Variants in SYT10 observed in about 807,000 individuals in gnomAD.
SYT10 encodes synaptotagmin-10.
In SYT10, 31 loss-of-function variants were observed where a neutral mutation model predicts 51.1. The ratio of observed to expected loss-of-function variants is 0.61; its 90% CI spans 0.46 to 0.82. SYT10 has a LOEUF of 0.82. SYT10 is among the 40% of genes least tolerant of loss of function. The pLI, the probability that SYT10 is intolerant of heterozygous loss-of-function variation, is 0.00. For synonymous variants in SYT10, 233 were observed against 225.9 expected, an observed-to-expected ratio of 1.03 and a Z score of -0.28; for missense variants, 603 against 634.0, an observed-to-expected ratio of 0.95 and a Z score of 0.53.
chr12:33,397,504 C>T (rs573089246), intron 3 of SYT10, among the ~76,000 whole-genome samples: 3 of 152,242 alleles, frequency 2.0e-5, no homozygotes, highest in African/African-American at 7.2e-5. Flanking sequence ...ATATATTTCC[C>T]AAGGTCATTC....
At chr12:33,436,371 C>A (rs1866637574) in intron 1 of SYT10, among the ~76,000 whole-genome samples, 1 of 152,058 alleles carries the variant, frequency 6.6e-6, no homozygotes, top group Non-Finnish European at 1.5e-5. Context: ...GGTAAAAAGA[C>A]TCAAAATATC....
At chr12:33,423,930 A>T (rs776107315) in intron 2 of SYT10, 2 of 455,852 alleles carry the variant, frequency 4.4e-6, no homozygotes, top group Non-Finnish European at 8.8e-6. Flanking sequence ...TTGGTGAAGG[A>T]TTATCAGGAA....
At chr12:33,431,900 A>G (rs922798283) in intron 1 of SYT10, among the ~76,000 whole-genome samples, 2 of 152,096 alleles carry the variant, frequency 1.3e-5, no homozygotes, top group African/African-American at 4.8e-5. Context: ...AGAGCACAGT[A>G]CCCTTGGCCT....
Position 33,391,133 on chromosome 12 carries a change from C to T in SYT10, c.1078-5842G>A, listed in dbSNP as rs186371529. On this transcript the variant is annotated intron_variant, in intron 3 of 6. Coordinates refer to ENST00000228567, the MANE Select transcript of SYT10 (RefSeq NM_198992.4). ...TGTATTTTTAGTAGAGACGGGGTTTCGCCATGTTGGCCAGACTGGTCTTGA... is the reference window on the plus strand; with the variant it reads ...TGTATTTTTAGTAGAGACGGGGTTTTGCCATGTTGGCCAGACTGGTCTTGA... 7.2e-5 allele frequency among the ~76,000 whole-genome samples: 11 copies of T among 152,254 alleles called. 1 individual carries two copies. Among genetic ancestry groups the T allele is most frequent in the African/African-American group, 2.6e-4 (11 of 41,568 alleles).
chr12:33,420,321 T>C (rs975977416), intron 2 of SYT10, among the ~76,000 whole-genome samples: 4 of 152,124 alleles, frequency 2.6e-5, no homozygotes. Context: ...CTGCTGGAGT[T>C]TGTATGAAAA....
chr12:33,392,681 G>A (rs1866219523), intron 3 of SYT10, among the ~76,000 whole-genome samples: 1 of 151,886 alleles, frequency 6.6e-6, no homozygotes, highest in African/African-American at 2.4e-5. Flanking sequence ...CATGAAAGAA[G>A]GAATGAATTT....
chr12:33,431,630 T>C (rs966569983), intron 1 of SYT10, among the ~76,000 whole-genome samples: 7 of 152,218 alleles, frequency 4.6e-5, no homozygotes, highest in African/African-American at 1.7e-4. Flanking sequence ...TATCTTAGTA[T>C]TGACGGCTTG....
chr12:33,386,902 A>G (rs1866161348), intron 3 of SYT10, among the ~76,000 whole-genome samples: 1 of 152,192 alleles, frequency 6.6e-6, no homozygotes, highest in Admixed American at 6.5e-5. Context: ...ATAAAGCAGA[A>G]CTGTCCACAG....
In SYT10 at chr12:33,407,235, G is replaced by C. The variant is rs1305998150; in HGVS notation, c.631C>G (p.Pro211Ala). The part of the protein sequence containing the change: ...ETTTSIGRIK[P>A]ELYKQKSVDS... ...ACTGATTTCTGTTTGTAGAGTTCTGGCTTTATCCTCCCAATGCTGGTTGTT... is the reference window on the plus strand; with the variant it reads ...ACTGATTTCTGTTTGTAGAGTTCTGCCTTTATCCTCCCAATGCTGGTTGTT... The change falls in exon 3 of 7, where the codon CCA (proline) becomes GCA (alanine). Residue 211 changes from proline to alanine, a missense_variant. Transcript: ENST00000228567. 5 of 1,614,062 alleles carry C rather than the reference G, an allele frequency of 3.1e-6. No homozygotes were observed. The highest frequency in any genetic ancestry group is 4.2e-6 in the Non-Finnish European group (5 of 1,180,022).
At chr12:33,431,939 A>G (rs1277002479) in intron 1 of SYT10, among the ~76,000 whole-genome samples, 1 of 152,148 alleles carries the variant, frequency 6.6e-6, no homozygotes, top group African/African-American at 2.4e-5. Flanking sequence ...ATGTTAAGAA[A>G]AAATGCATCA....
At chr12:33,415,611 A>T (rs1043087251) in intron 2 of SYT10, among the ~76,000 whole-genome samples, 11 of 152,332 alleles carry the variant, frequency 7.2e-5, no homozygotes, top group African/African-American at 2.6e-4. Flanking sequence ...GTTTAAAAGA[A>T]ATTTATCTCT....
intron 3 of SYT10, among the ~76,000 whole-genome samples, chr12:33,386,031 ATT>A (rs1234502027): frequency 6.6e-6 from 1 of 151,952 alleles, no homozygotes; most frequent in African/African-American, 2.4e-5. Flanking sequence ...CCCCGTCCAC[ATT>A]TGTTTTTTGA....
intron 3 of SYT10, among the ~76,000 whole-genome samples, chr12:33,392,985 T>TAAAAAAAAAAAAAAAAAAAAAAAAAA (rs71068378): frequency 3.4e-5 from 2 of 59,088 alleles, no homozygotes; most frequent in African/African-American, 1.8e-4. Context: ...TTTTTGCCAT[T>TAAAAAAAAAAAAAAAAAAAAAAAAAA]AAAAAAAAAA....
intron 1 of SYT10, among the ~76,000 whole-genome samples, chr12:33,435,961 T>TAAA: frequency 6.6e-6 from 1 of 152,166 alleles, no homozygotes; most frequent in South Asian, 2.1e-4. Flanking sequence ...TAGTCCCAAA[T>TAAA]TAAAATTGTG....
At chr12:33,419,617 C>T (rs1866483444) in intron 2 of SYT10, among the ~76,000 whole-genome samples, 1 of 152,126 alleles carries the variant, frequency 6.6e-6, no homozygotes, top group Admixed American at 6.5e-5. Context: ...ATACTGCCTA[C>T]TGTGCTAAGG....
At chr12:33,412,685 C>T (rs1033528252) in intron 2 of SYT10, among the ~76,000 whole-genome samples, 3 of 152,104 alleles carry the variant, frequency 2.0e-5, no homozygotes, top group Non-Finnish European at 4.4e-5. Context: ...CCGATCTGTA[C>T]GTCACCATCA....
At chr12:33,424,221 T>C (rs1866529884) in intron 2 of SYT10, among the ~76,000 whole-genome samples, 2 of 152,158 alleles carry the variant, frequency 1.3e-5, no homozygotes, top group Non-Finnish European at 1.5e-5. Flanking sequence ...AAAAGAAGTC[T>C]TTGCTCACGT....
At chr12:33,403,398 A>G (rs150796921) in intron 3 of SYT10, among the ~76,000 whole-genome samples, 1,990 of 151,824 alleles carry the variant, frequency 0.013, 49 homozygotes, top group African/African-American at 0.046. Context: ...TGCCCAGCTA[A>G]TTTTTTATTT....
chr12:33,425,503 T>A (rs1048837426), intron 2 of SYT10, among the ~76,000 whole-genome samples: 2 of 152,152 alleles, frequency 1.3e-5, no homozygotes, highest in African/African-American at 4.8e-5. Context: ...CTTAAGGAAG[T>A]CCTCTTCCTC....
Sources: allele counts gnomAD v4.1 joint callset (sites outside exome capture counted in the v4.1 genomes callset), GRCh38; gene constraint gnomAD v4.1.1; transcripts MANE v1.5; gene names NCBI Gene and HGNC (gene_info 2026-07-23, HGNC 2026-07-21).